SLC23A1: variants seen among roughly 807,000 people sequenced by gnomAD.
SLC23A1 encodes the protein Na(+)/L-ascorbic acid transporter 1.
In SLC23A1, 31 loss-of-function variants were observed where a neutral mutation model predicts 62.5. That is an observed-to-expected ratio of 0.50 (90% CI 0.37 to 0.67). The LOEUF is 0.67. Ranked by LOEUF, SLC23A1 falls within the 30% of genes least tolerant of loss-of-function variation. The pLI, the probability that SLC23A1 is intolerant of heterozygous loss-of-function variation, is 0.00. For synonymous variants in SLC23A1, 271 were observed against 313.2 expected (o/e 0.87, Z 1.42); for missense variants, 640 against 782.7 (o/e 0.82, Z 2.18).
intron 14 of SLC23A1, among the ~76,000 whole-genome samples, chr5:139,368,254 G>A (rs1757412324): frequency 6.6e-6 from 1 of 152,054 alleles, no homozygotes; most frequent in African/African-American, 2.4e-5. Context: ...ACAGGAGAAT[G>A]GTGTGAACCC....
At chr5:139,381,214 C>T (rs954230801) in intron 3 of SLC23A1, among the ~76,000 whole-genome samples, 2 of 152,232 alleles carry the variant, frequency 1.3e-5, no homozygotes, top group African/African-American at 4.8e-5. Flanking sequence ...TCCCCCGCTG[C>T]TCAAACAGCT....
chr5:139,384,384 GC>G (rs1758427530), upstream of SLC23A1: 1 of 1,289,132 alleles, frequency 7.8e-7, no homozygotes, highest in African/African-American at 1.5e-5. Context: ...CCATGGCCAG[GC>G]CCTGCCTGAA....
intron 14 of SLC23A1, chr5:139,368,898 A>G: frequency 1.2e-6 from 1 of 867,784 alleles, no homozygotes; most frequent in East Asian, 2.6e-5. Flanking sequence ...ACTGTGTTAC[A>G]CTTATGCATT....
chr5:139,372,211 G>C lies in SLC23A1; in HGVS notation c.1592C>G (p.Ala531Gly). The C allele has an allele frequency of 6.2e-7, 1 of 1,613,162 alleles. No individual in the cohort carries two copies. Among genetic ancestry groups the C allele is most frequent in the Non-Finnish European group, 8.5e-7 (1 of 1,179,110 alleles). ...ERGLIQWKAG[A>G]HANSDMSSSL... ...GGAAGACATGTCACTGTTGGCATGAGCCCCAGCTTTCCACTGTATCAGACC... is the reference window on the plus strand; with the variant it reads ...GGAAGACATGTCACTGTTGGCATGACCCCCAGCTTTCCACTGTATCAGACC... Residue 531 changes from alanine (A) to glycine (G), a missense_variant, in exon 14 of 15, where the codon GCT (alanine) becomes GGT (glycine). Transcript: ENST00000348729.
intron 1 of SLC23A1, 147 bp from the exon 2 acceptor site, chr5:139,382,752 G>A: frequency 1.6e-6 from 1 of 614,612 alleles, no homozygotes; most frequent in Non-Finnish European, 2.9e-6. Context: ...ATCCACCCGG[G>A]TGCCACTTGG....
At chr5:139,383,135 G>C in intron 1 of SLC23A1, 83 bp downstream of exon 1, 1 of 881,022 alleles carries the variant, frequency 1.1e-6, no homozygotes, top group Non-Finnish European at 1.6e-6. Flanking sequence ...TTTATCTCTG[G>C]CCTCCAGGAA....
intron 1 of SLC23A1, 108 bp downstream of exon 1, chr5:139,383,110 A>T: frequency 2.7e-6 from 2 of 732,898 alleles, no homozygotes; most frequent in South Asian, 2.1e-5. Context: ...CACTCTTATC[A>T]AGTTCATCAG....
chr5:139,373,727 G>C (rs1311465368), intron 13 of SLC23A1, among the ~76,000 whole-genome samples: 1 of 152,122 alleles, frequency 6.6e-6, no homozygotes, highest in Non-Finnish European at 1.5e-5. Flanking sequence ...CTACCTGGAA[G>C]AGACACTGTT....
chr5:139,385,470 G>A (rs1758477431), upstream of SLC23A1, among the ~76,000 whole-genome samples: 2 of 152,154 alleles, frequency 1.3e-5, no homozygotes, highest in South Asian at 2.1e-4. Context: ...GCCATTGGGT[G>A]TAGACCCAGT....
At position 139,379,962 on chromosome 5, in the gene SLC23A1, C is replaced by T. The variant is rs1341955976; in HGVS notation, c.762G>A (p.Met254Ile). 2.5e-6 allele frequency: 4 copies of T among 1,614,162 alleles called. No individual in the cohort carries two copies. Among genetic ancestry groups the T allele is most frequent in the Non-Finnish European group, 1.7e-6 (2 of 1,180,030 alleles). The change falls in exon 7 of 15, where the codon ATG (methionine) becomes ATA (isoleucine). Residue 254 changes from methionine (M) to isoleucine (I), a missense_variant. Transcript: ENST00000348729. This position sits in a 1 kb window ranked among gnomAD's most constrained non-coding sequence, Gnocchi z 4.7. The stretch of plus-strand genomic sequence containing the variant: ...CCGCCTGCCAGGTCCTCACAGGAAA[C>T]ATTTTGAAGATCTGGATGCGGAGGA... ...LTLLRIQIFK[M>I]FPIMLAIMTV...
chr5:139,379,177 A>G lies in SLC23A1; in HGVS notation c.1073+30T>C. 3.7e-6 allele frequency: 6 copies of G among 1,612,172 alleles called. No individual in the cohort carries two copies. The highest frequency in any genetic ancestry group is 5.1e-6 in the Non-Finnish European group (6 of 1,178,586). On this transcript the variant is annotated intron_variant, in intron 9 of 14. Transcript: ENST00000348729. This position sits in a 1 kb window ranked among gnomAD's most constrained non-coding sequence, Gnocchi z 4.7. ...TGCTTCCTGGGTGGCGCCTGAGGAGATCAGATACTGAGGAGGGCAGGTAGG... is the reference window on the plus strand; with the variant it reads ...TGCTTCCTGGGTGGCGCCTGAGGAGGTCAGATACTGAGGAGGGCAGGTAGG...
chr5:139,379,107 A>G lies in SLC23A1; in HGVS notation c.1073+100T>C. ...GAATGAGGTCTGGAGCGTGTTCCCG[A>G]CTTGCCTAAGCCTACCCCCTGGGCC... On this transcript the variant is annotated intron_variant, in intron 9 of 14. Transcript: ENST00000348729. The surrounding 1 kb of genome is among the most constrained non-coding windows in gnomAD (Gnocchi z 4.7). The G allele has an allele frequency of 8.1e-7, 1 of 1,235,730 alleles. No homozygotes were observed. Among genetic ancestry groups the G allele is most frequent in the African/African-American group, 1.5e-5 (1 of 67,414 alleles). The allele number at this position is 1,235,730 out of a possible 1,614,324, so 76.5% of individuals were successfully genotyped here. A position where few individuals can be genotyped will look rare whatever the true frequency, so the allele number is the denominator to read the frequency against.
Position 139,380,298 on chromosome 5 carries a change from A to G in SLC23A1, c.557T>C (p.Leu186Pro). Reference protein sequence around the residue: ...PGALLNYIGPLTVTPTVSLIG... With the variant: ...PGALLNYIGPPTVTPTVSLIG... ...GAGGGAGACAGTGGGGGTGACTGTGAGAGGCCCAATGTAGTTGAGCAGGGC... is the reference window on the plus strand; with the variant it reads ...GAGGGAGACAGTGGGGGTGACTGTGGGAGGCCCAATGTAGTTGAGCAGGGC... The change falls in exon 6 of 15, where the codon CTC becomes CCC. Residue 186 changes from leucine (L) to proline (P), a missense_variant. Leu to Pro is a moderately conservative substitution (Grantham distance 98, BLOSUM62 -3). Transcript: ENST00000348729. 1.9e-6 allele frequency: 3 copies of G among 1,602,600 alleles called. No homozygotes were observed. Among genetic ancestry groups the G allele is most frequent in the Non-Finnish European group, 2.6e-6 (3 of 1,174,554 alleles).
rs3828601 is a variant in SLC23A1, at chr5:139,368,786, C to T, written c.*20-1155G>A. 362 of 1,611,862 alleles carry T rather than the reference C, an allele frequency of 2.2e-4. 5 individuals carry two copies. In the East Asian group the frequency reaches 7.7e-3, roughly 34 times the overall value. ...AGGAGTTTGTTCCTGGGGTGAAGTA[C>T]GGAAATATTTGAGTAGACGGGGCCC... is the stretch of plus-strand genomic sequence containing the variant. On this transcript the variant is annotated intron_variant, in intron 14 of 14. Transcript: ENST00000348729.
At chr5:139,374,325 G>T (rs1004212415) in intron 13 of SLC23A1, among the ~76,000 whole-genome samples, 1 of 152,186 alleles carries the variant, frequency 6.6e-6, no homozygotes, top group Non-Finnish European at 1.5e-5. Flanking sequence ...GCGGGCACCG[G>T]TAGTCCCAGC....
chr5:139,379,683 T>C lies in SLC23A1; in HGVS notation c.920A>G (p.Tyr307Cys), dbSNP rs1758137430. 1.7e-5 allele frequency: 27 copies of C among 1,610,786 alleles called. No homozygotes were observed. The highest frequency in any genetic ancestry group is 2.3e-5 in the Non-Finnish European group (27 of 1,178,644). The change falls in exon 8 of 15, where the codon TAC (tyrosine) becomes TGC (cysteine). Residue 307 changes from tyrosine to cysteine, a missense_variant. By Grantham distance (194) the Tyr-to-Cys change is radical. Coordinates refer to ENST00000348729, the MANE Select transcript of SLC23A1 (RefSeq NM_005847.5). This position sits in a 1 kb window ranked among gnomAD's most constrained non-coding sequence, Gnocchi z 4.7. Reference protein sequence around the residue: ...MAIAPWIRIPYPCQWGLPTVT... With the variant: ...MAIAPWIRIPCPCQWGLPTVT... ...GCCCAAGGGGTGTTGCTCACAGGGG[T>C]AGGGGATGCGGATCCAGGGTGCAAT... is the stretch of plus-strand genomic sequence containing the variant.
intron 13 of SLC23A1, among the ~76,000 whole-genome samples, chr5:139,373,312 G>A (rs1340169287): frequency 2.0e-5 from 3 of 151,950 alleles, no homozygotes; most frequent in Admixed American, 6.6e-5. Context: ...CGAGTAGCTG[G>A]GATTACAGGT....
intron 3 of SLC23A1, 21 bp downstream of exon 3, chr5:139,381,871 T>A: frequency 6.5e-7 from 1 of 1,539,122 alleles, no homozygotes; most frequent in Non-Finnish European, 8.8e-7. Flanking sequence ...GGGGGACGGG[T>A]TGGGGGGCTG....
intron 13 of SLC23A1, among the ~76,000 whole-genome samples, chr5:139,376,442 A>AT (rs1290518155): frequency 1.3e-5 from 2 of 152,190 alleles, no homozygotes; most frequent in East Asian, 3.8e-4. Flanking sequence ...TGATGGGATT[A>AT]CAGGCATGAG....
Sources: allele counts gnomAD v4.1 joint callset (sites outside exome capture counted in the v4.1 genomes callset), GRCh38; gene constraint gnomAD v4.1.1; non-coding constraint Gnocchi (gnomAD v3.1); transcripts MANE v1.5; gene names NCBI Gene and HGNC (gene_info 2026-07-23, HGNC 2026-07-21).